Variants in ROBO2 observed in about 807,000 individuals in gnomAD.
ROBO2 encodes roundabout guidance receptor 2, also known as roundabout homolog 2.
ROBO2 carries 53 observed loss-of-function variants against 160.8 expected under a neutral mutation model. The observed-to-expected ratio is 0.33, with a 90% CI of 0.26 to 0.41. The LOEUF (loss-of-function observed/expected upper bound fraction) is 0.41, where lower values mean the gene tolerates loss of function less well. ROBO2 is among the 10% of genes least tolerant of loss of function. The pLI, the probability that ROBO2 is intolerant of heterozygous loss-of-function variation, is 1.00. For missense variants in ROBO2, 1,577 were observed against 1,722.4 expected, an observed-to-expected ratio of 0.92 and a Z score of 1.49; for synonymous variants, 664 against 611.7, an observed-to-expected ratio of 1.09 and a Z score of -1.26.
chr3:76,367,548 C>A (rs1576706622), intron 2 of ROBO2, among the ~76,000 whole-genome samples: 1 of 151,926 alleles, frequency 6.6e-6, no homozygotes, highest in East Asian at 1.9e-4. Flanking sequence ...CAGTGAAATG[C>A]TCACACTCAA....
intron 1 of ROBO2, among the ~76,000 whole-genome samples, chr3:75,907,864 T>TGTGC (rs946882291): frequency 1.8e-5 from 1 of 55,640 alleles, no homozygotes; most frequent in African/African-American, 3.7e-5. Context: ...TGTGTGTGTG[T>TGTGC]GTGTGTGTGT....
intron 1 of ROBO2, among the ~76,000 whole-genome samples, chr3:77,054,346 T>A (rs2065508321): frequency 6.6e-6 from 1 of 152,334 alleles, no homozygotes; most frequent in South Asian, 2.1e-4. Context: ...TAAATTGATC[T>A]ATTAAATTTA....
chr3:77,419,809 A>G (rs2077554897), intron 2 of ROBO2, among the ~76,000 whole-genome samples: 1 of 152,110 alleles, frequency 6.6e-6, no homozygotes. Flanking sequence ...TCAAAAATGA[A>G]TTTATTTCTA....
At chr3:76,219,472 T>C (rs1283839179) in intron 2 of ROBO2, among the ~76,000 whole-genome samples, 1 of 151,838 alleles carries the variant, frequency 6.6e-6, no homozygotes, top group African/African-American at 2.4e-5. Flanking sequence ...CTCAAACAAA[T>C]TTACAAGAAG....
chr3:76,031,158 G>A (rs1195225745), intron 2 of ROBO2, among the ~76,000 whole-genome samples: 1 of 151,954 alleles, frequency 6.6e-6, no homozygotes, highest in Admixed American at 6.6e-5. Flanking sequence ...TCATGATTTG[G>A]CTCTCTGTTT....
chr3:76,794,902 AT>A (rs1461962837), intron 2 of ROBO2, among the ~76,000 whole-genome samples: 2 of 152,000 alleles, frequency 1.3e-5, no homozygotes, highest in African/African-American at 4.8e-5. Context: ...AATTGTTTGT[AT>A]TTTTTTAGTA....
intron 2 of ROBO2, among the ~76,000 whole-genome samples, chr3:76,847,931 G>C (rs1269084044): frequency 6.6e-6 from 1 of 151,660 alleles, no homozygotes; most frequent in Non-Finnish European, 1.5e-5. Flanking sequence ...GAGATGACGA[G>C]ATATATTTAT....
Position 76,991,256 on chromosome 3 carries a change from T to C in ROBO2, c.110-106758T>C, listed in dbSNP as rs141375338. Among the ~76,000 whole-genome samples the C allele has an allele frequency of 7.2e-5, 11 of 152,256 alleles. No individual in the cohort carries two copies. The East Asian group carries it at 2.1e-3, about 29-fold the overall frequency. The stretch of plus-strand genomic sequence containing the variant: ...TTATGGATTCGCCACTGGTAAAAAA[T>C]ACTTAGTTATTTTTACCTATAGGTG... On this transcript the variant is annotated intron_variant, in intron 2 of 26. Transcript: ENST00000487694.
intron 2 of ROBO2, among the ~76,000 whole-genome samples, chr3:77,222,307 A>C (rs779870766): frequency 2.0e-5 from 3 of 152,242 alleles, no homozygotes; most frequent in Non-Finnish European, 4.4e-5. Flanking sequence ...AATTAGGTAT[A>C]GAGAATGGCA....
At chr3:76,061,465 A>T (rs374219861) in intron 2 of ROBO2, among the ~76,000 whole-genome samples, 6 of 152,216 alleles carry the variant, frequency 3.9e-5, no homozygotes, top group African/African-American at 1.2e-4. Flanking sequence ...CTAAAGGTGG[A>T]CACAGATATA....
intron 2 of ROBO2, among the ~76,000 whole-genome samples, chr3:75,998,317 A>G (rs2065788501): frequency 6.6e-6 from 1 of 152,202 alleles, no homozygotes. Flanking sequence ...ATAAACATAA[A>G]TTACATCACC....
chr3:76,458,532 A>T (rs901602935), intron 2 of ROBO2, among the ~76,000 whole-genome samples: 2 of 151,780 alleles, frequency 1.3e-5, no homozygotes, highest in Admixed American at 1.3e-4. Flanking sequence ...AACTGTTCCA[A>T]CCTCTGCCTG....
At chr3:76,497,432 G>A (rs997323294) in intron 2 of ROBO2, among the ~76,000 whole-genome samples, 15 of 152,164 alleles carry the variant, frequency 9.9e-5, no homozygotes, top group African/African-American at 3.6e-4. Context: ...CTAGGCTCAA[G>A]CCTTCTTCCC....
At chr3:76,251,832 A>G (rs1559685395) in intron 2 of ROBO2, among the ~76,000 whole-genome samples, 1 of 152,106 alleles carries the variant, frequency 6.6e-6, no homozygotes, top group Admixed American at 6.6e-5. Flanking sequence ...TGTCAGGTGC[A>G]GATTTCTTTC....
chr3:76,653,740 A>G (rs2091358849), intron 2 of ROBO2, among the ~76,000 whole-genome samples: 2 of 152,192 alleles, frequency 1.3e-5, no homozygotes, highest in South Asian at 4.1e-4. Context: ...AAATCTTGCA[A>G]TTAAAGCATT....
chr3:77,577,987 C>T (rs1175019415), intron 15 of ROBO2, among the ~76,000 whole-genome samples: 2 of 151,928 alleles, frequency 1.3e-5, no homozygotes, highest in South Asian at 4.2e-4. Flanking sequence ...TTTTAAACCA[C>T]GTTCTCAGAA....
chr3:76,543,781 G>A (rs2082943937), intron 2 of ROBO2, among the ~76,000 whole-genome samples: 1 of 151,992 alleles, frequency 6.6e-6, no homozygotes, highest in African/African-American at 2.4e-5. Context: ...AGTGACAGCT[G>A]AAATATCTTT....
chr3:77,071,206 T>A (rs952147434), intron 1 of ROBO2, among the ~76,000 whole-genome samples: 3 of 152,172 alleles, frequency 2.0e-5, no homozygotes, highest in African/African-American at 7.2e-5. Flanking sequence ...ATTCTCTTTC[T>A]AAGAAGGAAT....
At chr3:76,694,653 A>G (rs1212580792) in intron 2 of ROBO2, among the ~76,000 whole-genome samples, 1 of 152,158 alleles carries the variant, frequency 6.6e-6, no homozygotes, top group African/African-American at 2.4e-5. Context: ...TAACTATTTA[A>G]TTTTGAAATG....
Sources: allele counts gnomAD v4.1 joint callset (sites outside exome capture counted in the v4.1 genomes callset), GRCh38; gene constraint gnomAD v4.1.1; transcripts MANE v1.5; gene names NCBI Gene and HGNC (gene_info 2026-07-23, HGNC 2026-07-21).